RNF17: variants seen among roughly 807,000 people sequenced by gnomAD.
RNF17 encodes ring finger protein 17.
In RNF17, 31 loss-of-function variants were observed where a neutral mutation model predicts 200.5. The observed-to-expected ratio is 0.15, with a 90% CI of 0.12 to 0.21. RNF17 has a LOEUF of 0.21. Ranked by LOEUF, RNF17 falls within the 10% of genes least tolerant of loss-of-function variation. The pLI, the probability that RNF17 is intolerant of heterozygous loss-of-function variation, is 1.00. For missense variants in RNF17, 1,628 were observed against 1,905.1 expected (o/e 0.85, Z 2.71); for synonymous variants, 606 against 637.8 (o/e 0.95, Z 0.75).
intron 9 of RNF17, 148 bp downstream of exon 9, chr13:24,789,920 T>C (rs1390786854): frequency 3.4e-6 from 2 of 595,278 alleles, no homozygotes; most frequent in African/African-American, 1.9e-5. Context: ...ACATATAATG[T>C]TTTTTAAAAG....
intron 9 of RNF17, 142 bp downstream of exon 9, chr13:24,789,914 A>G: frequency 1.7e-6 from 1 of 605,276 alleles, no homozygotes; most frequent in South Asian, 2.2e-5. Flanking sequence ...AATTCTACAT[A>G]TAATGTTTTT....
intron 24 of RNF17, among the ~76,000 whole-genome samples, chr13:24,851,846 A>G (rs1593432704): frequency 6.6e-6 from 1 of 152,350 alleles, no homozygotes; most frequent in East Asian, 1.9e-4. Flanking sequence ...TAAACCAAAG[A>G]AAAAGAGAAC....
Position 24,876,988 on chromosome 13 carries a change from T to C in RNF17, c.4584-9T>C. On this transcript the variant is annotated splice_polypyrimidine_tract_variant and intron_variant, in intron 33 of 35. Transcript: ENST00000255324. The stretch of plus-strand genomic sequence containing the variant: ...GAGAATTTTAATGTAAGAATTTCTT[T>C]TGTGACAGACTGTGCCAAATTCCTT... 1 of 1,569,438 alleles carries C rather than the reference T, an allele frequency of 6.4e-7. No homozygotes were observed. The highest frequency in any genetic ancestry group is 8.6e-7 in the Non-Finnish European group (1 of 1,162,824).
the RNF17 span, among the ~76,000 whole-genome samples, chr13:24,884,983 C>G: frequency 6.6e-6 from 1 of 152,164 alleles, no homozygotes; most frequent in Non-Finnish European, 1.5e-5. Flanking sequence ...ACTGTGCTAG[C>G]TGGAGATGAG....
rs553096684 is a variant in RNF17, at chr13:24,776,684, C to G, written c.318-1611C>G. 2.0e-5 allele frequency among the ~76,000 whole-genome samples: 3 copies of G among 152,312 alleles called. No homozygotes were observed. In the South Asian group the frequency reaches 6.2e-4, roughly 32 times the overall value. On this transcript the variant is annotated intron_variant, in intron 3 of 35. Transcript: ENST00000255324. ...CTACACGAATTAAGCAGTTAACTTA[C>G]TGGGTGAGGTCGACTGAGTTTAAAC...
chr13:24,792,913 C>A, intron 9 of RNF17, 129 bp from the exon 10 acceptor site: 1 of 614,880 alleles, frequency 1.6e-6, no homozygotes, highest in Non-Finnish European at 2.7e-6. Context: ...GGCAGTGGGT[C>A]AGTGGCTATT....
chr13:24,804,361 A>G lies in RNF17; in HGVS notation c.2023A>G (p.Lys675Glu). The change falls in exon 15 of 36, where the codon AAA becomes GAA. Residue 675 changes from lysine to glutamate, a missense_variant. By Grantham distance (56) the Lys-to-Glu change is moderately conservative. Transcript: ENST00000255324. ...TLHYHPPILPKEMTDVSVTVC... is the reference protein window; with the variant it reads ...TLHYHPPILPEEMTDVSVTVC... ...ACACTATCATCCACCTATTTTGCCTAAAGAAATGACAGATGTTTCAGTAAC... is the reference window on the plus strand; with the variant it reads ...ACACTATCATCCACCTATTTTGCCTGAAGAAATGACAGATGTTTCAGTAAC... 1 of 1,613,028 alleles carries G rather than the reference A, an allele frequency of 6.2e-7. No homozygotes were observed. The highest frequency in any genetic ancestry group is 1.1e-5 in the South Asian group (1 of 91,032).
the RNF17 span, among the ~76,000 whole-genome samples, chr13:24,757,902 G>A: frequency 6.6e-6 from 1 of 152,114 alleles, no homozygotes. Context: ...CAATGTTGGA[G>A]GTGGGGTCTG....
At chr13:24,764,008 C>T (rs1879156884), upstream of RNF17, 5 of 453,798 alleles carry the variant, frequency 1.1e-5, no homozygotes, top group Non-Finnish European at 2.0e-5. Flanking sequence ...GGCCACAAGG[C>T]GCCCCTTCTA....
At chr13:24,751,401 A>C in the RNF17 span, 1 of 151,180 alleles carries the variant, frequency 6.6e-6, no homozygotes, top group African/African-American at 2.4e-5. Context: ...CTTCCTTTGA[A>C]GTCACTTCTA....
Position 24,825,727 on chromosome 13 carries a change from G to A in RNF17, c.2200G>A (p.Val734Ile). The change falls in exon 16 of 36, where the codon GTA (valine) becomes ATA (isoleucine). Residue 734 changes from valine (V) to isoleucine (I), a missense_variant. This residue lies in a region of RNF17 where 289 missense variants were observed against 384.9 expected (regional missense o/e 0.75). Transcript: ENST00000255324. ...ILCPVQDQAC[V>I]AKFEDGIWYR... Reference sequence around the variant, plus strand: ...CTGTCCAGTTCAAGATCAAGCCTGTGTAGCTAAATTTGAAGATGGAATTTG... The same window carrying A: ...CTGTCCAGTTCAAGATCAAGCCTGTATAGCTAAATTTGAAGATGGAATTTG... The A allele has an allele frequency of 2.5e-6, 4 of 1,613,662 alleles. No homozygotes were observed. The highest frequency in any genetic ancestry group is 3.4e-6 in the Non-Finnish European group (4 of 1,179,776).
intron 6 of RNF17, among the ~76,000 whole-genome samples, chr13:24,786,716 G>C (rs1241663083): frequency 5.3e-5 from 8 of 152,046 alleles, no homozygotes; most frequent in Non-Finnish European, 7.4e-5. Flanking sequence ...GGCCTCCAAG[G>C]TTTCTGCTGA....
At chr13:24,771,707 A>G (rs1244960227) in intron 2 of RNF17, among the ~76,000 whole-genome samples, 1 of 148,920 alleles carries the variant, frequency 6.7e-6, no homozygotes, top group Non-Finnish European at 1.5e-5. Context: ...TTCAATACTT[A>G]CGTTTTTTTA....
intron 22 of RNF17, among the ~76,000 whole-genome samples, chr13:24,845,657 A>G (rs889363000): frequency 2.0e-5 from 3 of 152,206 alleles, no homozygotes; most frequent in African/African-American, 4.8e-5. Context: ...TGAGAATAGG[A>G]ATCGGCAACG....
Position 24,834,844 on chromosome 13 carries a change from G to A in RNF17, c.2482+2866G>A, listed in dbSNP as rs573426716. On this transcript the variant is annotated intron_variant, in intron 18 of 35. Coordinates refer to ENST00000255324, the MANE Select transcript of RNF17 (RefSeq NM_031277.3). The stretch of plus-strand genomic sequence containing the variant: ...CCTCCTGGCCAGAACTCAGGGGAGG[G>A]TACAAATCTGGTGTGCAGACTCCAC... Among the ~76,000 whole-genome samples the A allele has an allele frequency of 3.3e-5, 5 of 152,274 alleles. No homozygotes were observed. The South Asian group carries it at 1.0e-3, about 32-fold the overall frequency.
chr13:24,761,200 CTT>C (rs1878711737), upstream of RNF17, among the ~76,000 whole-genome samples: 1 of 151,786 alleles, frequency 6.6e-6, no homozygotes, highest in Non-Finnish European at 1.5e-5. Context: ...TAATCCCACT[CTT>C]ATGGTGGGAA....
chr13:24,886,233 A>G, the RNF17 span: 1 of 1,049,344 alleles, frequency 9.5e-7, no homozygotes, highest in Non-Finnish European at 1.3e-6. Flanking sequence ...TAAACACTCA[A>G]CTTGGAAGGG....
chr13:24,755,077 TTTTCCA>T, the RNF17 span, among the ~76,000 whole-genome samples: 3 of 152,194 alleles, frequency 2.0e-5, 1 homozygote, highest in South Asian at 6.2e-4. Flanking sequence ...ATATTTGTCC[TTTTCCA>T]TTTGACTGCT....
intron 19 of RNF17, among the ~76,000 whole-genome samples, chr13:24,843,138 C>T (rs1161537636): frequency 6.6e-6 from 1 of 152,160 alleles, no homozygotes; most frequent in Non-Finnish European, 1.5e-5. Flanking sequence ...CCTGCTCACT[C>T]CCATGCTGGA....
Sources: allele counts gnomAD v4.1 joint callset (sites outside exome capture counted in the v4.1 genomes callset), GRCh38; gene constraint gnomAD v4.1.1; regional missense constraint gnomAD v4.1.1; transcripts MANE v1.5; gene names NCBI Gene and HGNC (gene_info 2026-07-23, HGNC 2026-07-21).